The following SSUH2 variants were observed in gnomAD, a reference collection of about 807,000 sequenced individuals.
SSUH2 encodes the protein protein SSUH2 homolog.
SSUH2 carries 47 observed loss-of-function variants against 55.3 expected under a neutral mutation model. The ratio of observed to expected loss-of-function variants is 0.85; its 90% CI spans 0.67 to 1.08. SSUH2 has a LOEUF of 1.08. SSUH2 is among the 50% of genes least tolerant of loss of function. The pLI, the probability that SSUH2 is intolerant of heterozygous loss-of-function variation, is 0.00. For synonymous variants in SSUH2, 212 were observed against 191.5 expected, an observed-to-expected ratio of 1.11 and a Z score of -0.89; for missense variants, 535 against 490.7, an observed-to-expected ratio of 1.09 and a Z score of -0.85.
chr3:8,639,523 G>A (rs9653983), intron 1 of SSUH2, among the ~76,000 whole-genome samples: 12,883 of 152,236 alleles, frequency 0.085, 1,282 homozygotes, highest in African/African-American at 0.24. Flanking sequence ...AAGAGCATCA[G>A]GTGAATGTTG....
Position 8,619,764 on chromosome 3 carries a change from T to C in SSUH2, c.*104A>G, listed in dbSNP as rs1696037794. 3 of 1,371,798 alleles carry C rather than the reference T, an allele frequency of 2.2e-6. No individual in the cohort carries two copies. Among genetic ancestry groups the C allele is most frequent in the Non-Finnish European group, 3.0e-6 (3 of 1,000,878 alleles). The allele number at this position is 1,371,798 out of a possible 1,614,324, so 85.0% of individuals were successfully genotyped here. The stretch of plus-strand genomic sequence containing the variant: ...TTTTCTGGAAGGACATGCCAGGGTT[T>C]GTATGTGATTGTCCAATGCAGCCAA... On this transcript the variant is annotated 3_prime_UTR_variant, in exon 12 of 12. Transcript: ENST00000544814.
rs1051844339 is a variant in SSUH2, at chr3:8,626,408, G to A, written c.675-87C>T. On this transcript the variant is annotated intron_variant, in intron 8 of 11. Transcript: ENST00000544814. Reference sequence around the variant, plus strand: ...CTCCCACCTGCACCCCCTTCCTCCTGGAGGTAGACTGTGGTGGGCCTGCAT... The same window carrying A: ...CTCCCACCTGCACCCCCTTCCTCCTAGAGGTAGACTGTGGTGGGCCTGCAT... The A allele has an allele frequency of 2.6e-5, 25 of 952,440 alleles. 2 individuals carry two copies. In the South Asian group the frequency reaches 2.9e-4, roughly 11 times the overall value. The allele number at this position is 952,440 out of a possible 1,614,324, so 59.0% of individuals were successfully genotyped here. A position where few individuals can be genotyped will look rare whatever the true frequency, so the allele number is the denominator to read the frequency against.
intron 7 of SSUH2, among the ~76,000 whole-genome samples, chr3:8,657,314 A>T (rs1559499585): frequency 6.6e-6 from 1 of 152,150 alleles, no homozygotes; most frequent in African/African-American, 2.4e-5. Context: ...AGGTGAGTGG[A>T]TGAATAATCA....
Position 8,625,613 on chromosome 3 carries a change from G to T in SSUH2, c.802C>A (p.Arg268=). ...AGGAGCTCCCTGGGGCAGTTGAGCC[G>T]GTGCTCAGACACAAACTCAAACAAG... is the stretch of plus-strand genomic sequence containing the variant. ...NSLFEFVSEH[R]LNCPRELLAK... is the part of the protein sequence containing the mutation. The change falls in exon 10 of 12, where the codon CGG becomes AGG. Residue 268 remains arginine (R), a synonymous_variant. Transcript: ENST00000544814. 6.2e-7 allele frequency: 1 copy of T among 1,613,822 alleles called. No homozygotes were observed. Among genetic ancestry groups the T allele is most frequent in the Non-Finnish European group, 8.5e-7 (1 of 1,179,798 alleles).
At chr3:8,641,949 T>C (rs926376414) in intron 1 of SSUH2, among the ~76,000 whole-genome samples, 4 of 151,978 alleles carry the variant, frequency 2.6e-5, no homozygotes, top group African/African-American at 9.7e-5. Context: ...GGGTCAGGGG[T>C]GGTGATGGCG....
rs372445621 is a variant in SSUH2 at position 8,623,585 on chromosome 3, G to A, written c.945C>T (p.Ser315=). Reference sequence around the variant, plus strand: ...CGCGGGCACGGGAGGCCAAGGCAGCGCTGTGCTCTGCAATGCCCCTCTGGG... The same window carrying A: ...CGCGGGCACGGGAGGCCAAGGCAGCACTGTGCTCTGCAATGCCCCTCTGGG... The part of the protein sequence containing the change: ...LASQRGIAEH[S]AALASRARVL... Residue 315 remains serine, a synonymous_variant, in exon 11 of 12, where the codon AGC becomes AGT. Coordinates refer to ENST00000544814, the MANE Select transcript of SSUH2 (RefSeq NM_001256748.3). 1.6e-4 allele frequency: 253 copies of A among 1,550,846 alleles called. 1 individual carries two copies. The highest frequency in any genetic ancestry group is 3.1e-4 in the African/African-American group (23 of 73,164).
intron 3 of SSUH2, chr3:8,634,754 G>C (rs1326294864): frequency 5.2e-6 from 2 of 387,606 alleles, no homozygotes; most frequent in East Asian, 1.4e-4. Context: ...TGAGAGGCTG[G>C]ATTGAAATAG....
intron 7 of SSUH2, among the ~76,000 whole-genome samples, chr3:8,656,475 CTT>C (rs1702941588): frequency 6.6e-6 from 1 of 152,188 alleles, no homozygotes; most frequent in Admixed American, 6.5e-5. Flanking sequence ...CTCAGCCCCT[CTT>C]GACAGCACCA....
At chr3:8,645,675 C>A (rs747369234), upstream of SSUH2, among the ~76,000 whole-genome samples, 1 of 152,154 alleles carries the variant, frequency 6.6e-6, no homozygotes, top group African/African-American at 2.4e-5. Context: ...CAGCAATGCA[C>A]GTGGGATGTG....
intron 8 of SSUH2, 57 bp downstream of exon 8, chr3:8,627,641 C>T (rs1367266461): frequency 1.4e-6 from 2 of 1,418,272 alleles, no homozygotes; most frequent in Non-Finnish European, 1.9e-6. Context: ...GATGGGCAGG[C>T]AATGAAAAGC....
rs142938308 is a variant in SSUH2 at position 8,620,263 on chromosome 3, T to G, written c.982-249A>C. 9.0e-3 allele frequency among the ~76,000 whole-genome samples: 1,376 copies of G among 152,288 alleles called. 12 individuals carry two copies. The highest frequency in any genetic ancestry group is 0.016 in the South Asian group (75 of 4,818). ...GTGGGTTTTTCCCATACCATTCTCATGATAGTGAGTAAGTCTCACGAGATC... is the reference window on the plus strand; with the variant it reads ...GTGGGTTTTTCCCATACCATTCTCAGGATAGTGAGTAAGTCTCACGAGATC... On this transcript the variant is annotated intron_variant, in intron 11 of 11. Coordinates refer to ENST00000544814, the MANE Select transcript of SSUH2 (RefSeq NM_001256748.3).
At chr3:8,627,599 G>T (rs1031430623) in intron 8 of SSUH2, 99 bp downstream of exon 8, 1 of 1,006,186 alleles carries the variant, frequency 9.9e-7, no homozygotes, top group Non-Finnish European at 1.4e-6. Context: ...ACACAGCAGT[G>T]ACGAGACAGA....
Position 8,623,606 on chromosome 3 carries a change from C to T in SSUH2, c.924G>A (p.Gln308=). Residue 308 remains glutamine, a synonymous_variant, in exon 11 of 12, where the codon CAG becomes CAA. Coordinates refer to ENST00000544814, the MANE Select transcript of SSUH2 (RefSeq NM_001256748.3). ...CAGCGCTGTGCTCTGCAATGCCCCT[C>T]TGGGAGGCAAGAGAGATGTCTCGCA... The part of the protein sequence containing the change: ...FPLRDISLAS[Q]RGIAEHSAAL... 2 of 1,547,318 alleles carry T rather than the reference C, an allele frequency of 1.3e-6. No individual in the cohort carries two copies. Among genetic ancestry groups the T allele is most frequent in the Non-Finnish European group, 1.7e-6 (2 of 1,143,654 alleles).
chr3:8,678,987 C>T lies in SSUH2; in HGVS notation c.-901+718G>A, dbSNP rs1705703465. ...CCATCGCAGGGCGGAGAGTCACCCC[C>T]CGCGAGGTGGGGACTGAGAGCCAGC... On this transcript the variant is annotated intron_variant, in intron 2 of 18. Transcript: ENST00000317371. 2.7e-5 allele frequency among the ~76,000 whole-genome samples: 3 copies of T among 109,968 alleles called. 1 individual carries two copies. The South Asian group carries it at 9.4e-4, about 35-fold the overall frequency. 72.1% of individuals were successfully genotyped at this position (109,968 alleles called of 152,430 possible).
At chr3:8,661,621 A>T (rs770288810) in intron 6 of SSUH2, among the ~76,000 whole-genome samples, 1 of 152,230 alleles carries the variant, frequency 6.6e-6, no homozygotes, top group African/African-American at 2.4e-5. Context: ...TATCACAGCA[A>T]CAGCAATAGC....
At chr3:8,644,706 G>A (rs954807878) in intron 1 of SSUH2, 25 bp downstream of exon 1, 71 of 1,533,874 alleles carry the variant, frequency 4.6e-5, no homozygotes, top group Admixed American at 1.2e-4. Flanking sequence ...ACAGTCTTCC[G>A]TGCCATCTTT....
At chr3:8,644,693 CA>C in intron 1 of SSUH2, 37 bp downstream of exon 1, 1 of 1,528,154 alleles carries the variant, frequency 6.5e-7, no homozygotes, top group Non-Finnish European at 8.8e-7. Flanking sequence ...AAAATATCTC[CA>C]CACAGTCTTC....
At chr3:8,624,070 A>C (rs1383169645) in intron 10 of SSUH2, among the ~76,000 whole-genome samples, 5 of 152,184 alleles carry the variant, frequency 3.3e-5, no homozygotes, top group Non-Finnish European at 5.9e-5. Context: ...TACAAAATGA[A>C]CCACAAATAA....
At chr3:8,634,156 C>T (rs1699470020) in intron 3 of SSUH2, 2 of 644,820 alleles carry the variant, frequency 3.1e-6, no homozygotes, top group Admixed American at 3.0e-5. Flanking sequence ...TAAAAGGAGG[C>T]AGAGACAGGC....
Sources: allele counts gnomAD v4.1 joint callset (sites outside exome capture counted in the v4.1 genomes callset), GRCh38; gene constraint gnomAD v4.1.1; transcripts MANE v1.5; gene names NCBI Gene and HGNC (gene_info 2026-07-23, HGNC 2026-07-21).